Variants in STXBP5L observed in about 807,000 individuals in gnomAD.
STXBP5L encodes syntaxin-binding protein 5-like.
A neutral mutation model predicts 144.5 loss-of-function variants in STXBP5L; 65 were observed. The observed-to-expected ratio is 0.45, with a 90% CI of 0.37 to 0.55. The LOEUF (loss-of-function observed/expected upper bound fraction) is 0.55. Among genes scored for constraint, STXBP5L ranks in the 20% least tolerant of loss-of-function variants. STXBP5L has a pLI of 0.00. For synonymous variants in STXBP5L, 505 were observed against 469.6 expected (o/e 1.08, Z -0.97); for missense variants, 1,298 against 1,405.5 (o/e 0.92, Z 1.22).
intron 3 of STXBP5L, among the ~76,000 whole-genome samples, chr3:120,981,406 T>G (rs1307210843): frequency 6.6e-6 from 1 of 152,158 alleles, no homozygotes; most frequent in African/African-American, 2.4e-5. Context: ...TAATTTTTTT[T>G]GTCTAACTGG....
At chr3:121,397,390 G>A (rs918410778) in intron 22 of STXBP5L, among the ~76,000 whole-genome samples, 3 of 152,124 alleles carry the variant, frequency 2.0e-5, no homozygotes, top group Admixed American at 2.0e-4. Flanking sequence ...ATTCCAAGGC[G>A]AAAATGTTGG....
At chr3:120,965,131 G>T (rs1016751422) in intron 3 of STXBP5L, among the ~76,000 whole-genome samples, 5 of 152,028 alleles carry the variant, frequency 3.3e-5, no homozygotes, top group African/African-American at 1.2e-4. Context: ...CCATTTGCTT[G>T]GTAGATCTTC....
intron 5 of STXBP5L, among the ~76,000 whole-genome samples, chr3:121,065,792 G>A: frequency 6.6e-6 from 1 of 152,114 alleles, no homozygotes; most frequent in East Asian, 1.9e-4. Context: ...ATTGTGGCCA[G>A]GGCTGTGCGA....
chr3:121,348,926 T>G (rs1026829955), intron 20 of STXBP5L, among the ~76,000 whole-genome samples: 1 of 152,122 alleles, frequency 6.6e-6, no homozygotes, highest in African/African-American at 2.4e-5. Flanking sequence ...ATTCATTGAT[T>G]TTTTGAAGGG....
chr3:121,299,567 A>G (rs566460637), intron 19 of STXBP5L, among the ~76,000 whole-genome samples: 109 of 152,312 alleles, frequency 7.2e-4, no homozygotes, highest in African/African-American at 2.5e-3. Context: ...ACAGAAGCAC[A>G]GAGTTAAAAA....
chr3:121,306,951 G>A (rs944504590), intron 19 of STXBP5L, among the ~76,000 whole-genome samples: 6 of 152,088 alleles, frequency 3.9e-5, no homozygotes, highest in Non-Finnish European at 7.4e-5. Flanking sequence ...CAGTGTAACA[G>A]CTGTATATGA....
intron 6 of STXBP5L, 36 bp from the exon 7 acceptor site, chr3:121,121,605 T>C: frequency 6.7e-7 from 1 of 1,494,778 alleles, no homozygotes. Flanking sequence ...ATTTTAATGT[T>C]TGGTTTTTAA....
intron 3 of STXBP5L, among the ~76,000 whole-genome samples, chr3:121,031,454 C>G (rs1347086777): frequency 6.6e-6 from 1 of 151,956 alleles, no homozygotes. Context: ...GCTCACACAA[C>G]TATGGAGGCT....
intron 5 of STXBP5L, among the ~76,000 whole-genome samples, chr3:121,051,709 T>C (rs1948011503): frequency 6.6e-6 from 1 of 152,010 alleles, no homozygotes; most frequent in Non-Finnish European, 1.5e-5. Context: ...ATTCAAAAGC[T>C]AGCAGAAGGC....
chr3:121,305,974 T>A (rs980727215), intron 19 of STXBP5L, among the ~76,000 whole-genome samples: 5 of 152,114 alleles, frequency 3.3e-5, no homozygotes, highest in African/African-American at 1.2e-4. Flanking sequence ...TATTTCTATA[T>A]AAATAACAGC....
intron 7 of STXBP5L, among the ~76,000 whole-genome samples, chr3:121,135,744 G>A (rs1243070902): frequency 6.6e-6 from 1 of 152,148 alleles, no homozygotes; most frequent in East Asian, 1.9e-4. Flanking sequence ...TGTGTGGTCT[G>A]GTTCCTAACA....
intron 8 of STXBP5L, among the ~76,000 whole-genome samples, chr3:121,155,284 A>G (rs1365217483): frequency 2.6e-5 from 4 of 151,876 alleles, no homozygotes; most frequent in Non-Finnish European, 5.9e-5. Context: ...TCTTCCATAT[A>G]TAACACTTAT....
At chr3:121,399,890 T>A (rs2046830271) in intron 22 of STXBP5L, among the ~76,000 whole-genome samples, 1 of 152,230 alleles carries the variant, frequency 6.6e-6, no homozygotes, top group African/African-American at 2.4e-5. Flanking sequence ...ATCACTTTTG[T>A]CTGCATCAAA....
chr3:121,289,479 C>A (rs563193051), intron 19 of STXBP5L, among the ~76,000 whole-genome samples: 49 of 152,260 alleles, frequency 3.2e-4, no homozygotes, highest in African/African-American at 9.6e-4. Flanking sequence ...CCACTGACAG[C>A]ACTAGACAGG....
chr3:120,908,432 AGT>A (rs939022561), intron 1 of STXBP5L, 98 bp downstream of exon 1: 51 of 156,024 alleles, frequency 3.3e-4, no homozygotes, highest in South Asian at 7.6e-4. Flanking sequence ...TGTCTGTGTG[AGT>A]GTGTGTGTGT....
chr3:121,097,140 C>G (rs1036972476), intron 5 of STXBP5L, among the ~76,000 whole-genome samples: 1 of 152,184 alleles, frequency 6.6e-6, no homozygotes. Context: ...GAGCTTAAAA[C>G]TGGCTACTCA....
chr3:121,379,359 A>C (rs1015897998), intron 21 of STXBP5L, among the ~76,000 whole-genome samples: 3 of 152,104 alleles, frequency 2.0e-5, no homozygotes, highest in South Asian at 2.1e-4. Flanking sequence ...CTATTTGCTT[A>C]TTTATGGAAT....
Position 121,149,323 on chromosome 3 carries a change from A to ATC in STXBP5L, c.670-3140_670-3139dup, listed in dbSNP as rs201261879. ...TATAAATCAATTTATACTTCTTTAA[A>ATC]TCTCTCTCTCTCTCTTTCTATGCCC... On this transcript the variant is annotated intron_variant, in intron 7 of 26. Transcript: ENST00000471454. 4.6e-3 allele frequency among the ~76,000 whole-genome samples: 691 copies of ATC among 151,330 alleles called. 3 individuals are homozygous for ATC. The highest frequency in any genetic ancestry group is 0.019 in the East Asian group (100 of 5,166).
chr3:121,004,022 T>C (rs1327000140), intron 3 of STXBP5L, among the ~76,000 whole-genome samples: 1 of 152,110 alleles, frequency 6.6e-6, no homozygotes, highest in East Asian at 1.9e-4. Context: ...AGGATTGACT[T>C]GGCAATGCAG....
Sources: gnomAD v4.1 joint callset for allele counts (sites outside exome capture counted in the v4.1 genomes callset) on GRCh38, gnomAD v4.1.1 for gene constraint, MANE v1.5 for transcripts, NCBI Gene and HGNC (gene_info 2026-07-23, HGNC 2026-07-21) for gene names.